The following LAMA3 variants were observed in gnomAD, a reference collection of about 807,000 sequenced individuals.
LAMA3 encodes laminin subunit alpha 3.
Under a neutral mutation model 402.0 loss-of-function variants are expected in LAMA3, and 281 were observed. The observed-to-expected ratio is 0.70, with a 90% CI of 0.63 to 0.77. The LOEUF (loss-of-function observed/expected upper bound fraction) is 0.77, where lower values mean the gene tolerates loss of function less well. LAMA3 is among the 30% of genes least tolerant of loss of function. The pLI, the probability that LAMA3 is intolerant of heterozygous loss-of-function variation, is 0.00. For missense variants in LAMA3, 3,840 were observed against 4,215.5 expected (o/e 0.91, Z 2.47); for synonymous variants, 1,431 against 1,558.4 (o/e 0.92, Z 1.93).
At chr18:23,693,692 T>C (rs1488334628) in intron 1 of LAMA3, among the ~76,000 whole-genome samples, 2 of 152,250 alleles carry the variant, frequency 1.3e-5, no homozygotes, top group African/African-American at 4.8e-5. Flanking sequence ...TGTTTAAAGA[T>C]ACTTCTTATC....
chr18:23,773,734 T>A, intron 9 of LAMA3, 147 bp downstream of exon 9: 1 of 664,148 alleles, frequency 1.5e-6, no homozygotes, highest in Admixed American at 2.3e-5. Flanking sequence ...CTCAGTCACT[T>A]ACACAGTCTC....
At chr18:23,843,636 G>A (rs12457806) in intron 29 of LAMA3, among the ~76,000 whole-genome samples, 15,861 of 152,114 alleles carry the variant, frequency 0.1, 1,810 homozygotes, top group African/African-American at 0.26. Flanking sequence ...CTGGCTGGAG[G>A]GATTAGAGCA....
In LAMA3 at chr18:23,924,513, G is replaced by A. The variant is rs185630452; in HGVS notation, c.8177+2928G>A. ...AACAAGGGACTGCTTCCTTTTTCTGGGCAAGTTTTATACTTTGACCTTTTT... is the reference window on the plus strand; with the variant it reads ...AACAAGGGACTGCTTCCTTTTTCTGAGCAAGTTTTATACTTTGACCTTTTT... On this transcript the variant is annotated intron_variant, in intron 62 of 74. Coordinates refer to ENST00000313654, the MANE Select transcript of LAMA3 (RefSeq NM_198129.4). Among the ~76,000 whole-genome samples, 900 of 150,586 alleles carry A rather than the reference G, an allele frequency of 6.0e-3. 7 individuals carry two copies. The highest frequency in any genetic ancestry group is 0.021 in the African/African-American group (861 of 41,056).
chr18:23,780,845 T>G (rs531087146), intron 11 of LAMA3, among the ~76,000 whole-genome samples: 1 of 152,304 alleles, frequency 6.6e-6, no homozygotes, highest in Admixed American at 6.5e-5. Flanking sequence ...CCTGCAGGCA[T>G]TGGGTCACTG....
rs532438139 is a variant in LAMA3 at position 23,730,656 on chromosome 18, C to T, written c.447+16584C>T. On this transcript the variant is annotated intron_variant, in intron 2 of 74. Coordinates refer to ENST00000313654, the MANE Select transcript of LAMA3 (RefSeq NM_198129.4). ...TGCTGGGATTACAGGCATGAACCACCGTGCCCAGGCTTCACTCTTTTTTTC... is the reference window on the plus strand; with the variant it reads ...TGCTGGGATTACAGGCATGAACCACTGTGCCCAGGCTTCACTCTTTTTTTC... Among the ~76,000 whole-genome samples, 110 of 152,052 alleles carry T rather than the reference C, an allele frequency of 7.2e-4. 2 individuals are homozygous for T. The highest frequency in any genetic ancestry group is 6.8e-3 in the Middle Eastern group (2 of 294).
intron 36 of LAMA3, among the ~76,000 whole-genome samples, chr18:23,867,340 T>G (rs900549858): frequency 6.6e-6 from 1 of 152,126 alleles, no homozygotes; most frequent in Non-Finnish European, 1.5e-5. Context: ...GTGGATCACT[T>G]GAGGTCAGGA....
intron 1 of LAMA3, among the ~76,000 whole-genome samples, chr18:23,707,557 T>C (rs147539287): frequency 2.0e-5 from 3 of 152,364 alleles, no homozygotes; most frequent in Non-Finnish European, 2.9e-5. Context: ...GCAGTCATCA[T>C]TGGAGACTAT....
At chr18:23,876,240 G>T in intron 38 of LAMA3, 54 bp from the exon 39 acceptor site, 1 of 1,167,844 alleles carries the variant, frequency 8.6e-7, no homozygotes, top group Non-Finnish European at 1.3e-6. Context: ...ACATGCTTTG[G>T]ATAGTAATTG....
intron 9 of LAMA3, 86 bp from the exon 10 acceptor site, chr18:23,775,706 G>A: frequency 6.8e-7 from 1 of 1,461,462 alleles, no homozygotes; most frequent in East Asian, 2.3e-5. Flanking sequence ...ATCAAGTATG[G>A]AACGTTGCCT....
intron 12 of LAMA3, chr18:23,796,114 C>A (rs1000521643): frequency 1.4e-5 from 6 of 436,502 alleles, no homozygotes; most frequent in Non-Finnish European, 2.7e-5. Flanking sequence ...ACTTCCCAGC[C>A]TCCAGAACTG....
In LAMA3 at chr18:23,884,808, T is replaced by A; in HGVS notation, c.5258T>A (p.Val1753Glu). Residue 1753 changes from valine to glutamate, a missense_variant, in exon 41 of 75, where the codon GTG becomes GAG. Val to Glu is a moderately radical substitution (Grantham distance 121). Transcript: ENST00000313654. ...ATGCVVNGGD[V>E]RCSCKAGYTG... Reference sequence around the variant, plus strand: ...GGCTGTGTGGTGAATGGGGGAGACGTGCGGTGCTCCTGCAAAGCTGGGTAC... The same window carrying A: ...GGCTGTGTGGTGAATGGGGGAGACGAGCGGTGCTCCTGCAAAGCTGGGTAC... 6.2e-7 allele frequency: 1 copy of A among 1,613,838 alleles called. No homozygotes were observed. The highest frequency in any genetic ancestry group is 8.5e-7 in the Non-Finnish European group (1 of 1,179,922).
chr18:23,755,956 A>G (rs1247056591), intron 6 of LAMA3, among the ~76,000 whole-genome samples: 1 of 152,170 alleles, frequency 6.6e-6, no homozygotes. Flanking sequence ...TCAGATGGGT[A>G]CCCAGCTCCT....
Position 23,932,278 on chromosome 18 carries a change from G to A in LAMA3, c.8695G>A (p.Val2899Ile), listed in dbSNP as rs753647451. 6 of 1,613,908 alleles carry A rather than the reference G, an allele frequency of 3.7e-6. No homozygotes were observed. The highest frequency in any genetic ancestry group is 5.1e-6 in the Non-Finnish European group (6 of 1,179,898). ...CAATTTTGAGGGTTGTATTAGCAAT[G>A]TTTTTGTCCAGAGGTAGGTGATCCT... ...GSNFEGCISN[V>I]FVQRLSLSPE... Residue 2899 changes from valine (V) to isoleucine (I), a missense_variant, in exon 66 of 75, where the codon GTT becomes ATT. Val to Ile is a conservative substitution (Grantham distance 29). Coordinates refer to ENST00000313654, the MANE Select transcript of LAMA3 (RefSeq NM_198129.4).
chr18:23,804,276 A>C (rs1008576319), intron 12 of LAMA3, among the ~76,000 whole-genome samples: 9 of 152,156 alleles, frequency 5.9e-5, no homozygotes, highest in Non-Finnish European at 1.2e-4. Context: ...TCTGCCACTG[A>C]CACTTAAAAG....
rs186919973 is a variant in LAMA3 at position 23,714,474 on chromosome 18, C to A, written c.447+402C>A. Among the ~76,000 whole-genome samples the A allele has an allele frequency of 6.6e-3, 1,008 of 152,102 alleles. 11 individuals carry two copies. The highest frequency in any genetic ancestry group is 9.5e-3 in the Non-Finnish European group (648 of 68,000). On this transcript the variant is annotated intron_variant, in intron 2 of 74. Transcript: ENST00000313654. ...GGTGGAGGTTGCAGTGAGCCAAGAT[C>A]GCGCCACTGCACTCCAGCCTGGGCA...
chr18:23,842,792 C>T, intron 29 of LAMA3, 42 bp downstream of exon 29: 1 of 1,612,950 alleles, frequency 6.2e-7, no homozygotes, highest in Admixed American at 1.7e-5. Context: ...CACATGCCTG[C>T]CTGGCTGGCC....
intron 12 of LAMA3, among the ~76,000 whole-genome samples, chr18:23,804,950 A>G (rs1227912557): frequency 6.6e-6 from 1 of 152,202 alleles, no homozygotes; most frequent in Non-Finnish European, 1.5e-5. Flanking sequence ...TGCTGGCACC[A>G]TGCTTCCTGT....
At chr18:23,951,200 C>T (rs1302912844) in intron 72 of LAMA3, among the ~76,000 whole-genome samples, 7 of 152,210 alleles carry the variant, frequency 4.6e-5, no homozygotes, top group Non-Finnish European at 5.9e-5. Flanking sequence ...GCTCCCGATG[C>T]GTGCCCAGAG....
chr18:23,864,672 G>T, intron 35 of LAMA3, 113 bp from the exon 36 acceptor site: 2 of 734,416 alleles, frequency 2.7e-6, no homozygotes, highest in Non-Finnish European at 2.5e-6. Flanking sequence ...CTTGTTACCA[G>T]GTCGAGTGTG....
Sources: gnomAD v4.1 joint callset for allele counts (sites outside exome capture counted in the v4.1 genomes callset) on GRCh38, gnomAD v4.1.1 for gene constraint, MANE v1.5 for transcripts, NCBI Gene and HGNC (gene_info 2026-07-23, HGNC 2026-07-21) for gene names.